LARGE1: variants seen among roughly 807,000 people sequenced by gnomAD.
The protein encoded by LARGE1 is xylosyl- and glucuronyltransferase LARGE1.
A neutral mutation model predicts 87.6 loss-of-function variants in LARGE1; 43 were observed. That is an observed-to-expected ratio of 0.49 (90% CI 0.38 to 0.63). The LOEUF is 0.63. Among genes scored for constraint, LARGE1 ranks in the 30% least tolerant of loss-of-function variants. The pLI is 0.00. For synonymous variants in LARGE1, 434 were observed against 394.6 expected (o/e 1.10, Z -1.18); for missense variants, 802 against 1,000.2 (o/e 0.80, Z 2.67).
At chr22:33,537,181 C>T (rs2077067126) in intron 6 of LARGE1, among the ~76,000 whole-genome samples, 2 of 152,226 alleles carry the variant, frequency 1.3e-5, no homozygotes, top group African/African-American at 4.8e-5. Context: ...AATGACGTGG[C>T]TTGAAATCAC....
intron 2 of LARGE1, among the ~76,000 whole-genome samples, chr22:33,701,996 T>C (rs976141405): frequency 1.3e-5 from 2 of 152,122 alleles, no homozygotes; most frequent in South Asian, 2.1e-4. Flanking sequence ...TGAGTGTTCC[T>C]CTCCTCTGTC....
At chr22:33,874,797 G>A (rs1015608112) in intron 1 of LARGE1, among the ~76,000 whole-genome samples, 1 of 152,182 alleles carries the variant, frequency 6.6e-6, no homozygotes, top group Non-Finnish European at 1.5e-5. Context: ...TAGAAAAGTA[G>A]TCAGAGGACT....
chr22:33,478,333 G>A (rs1193022013), intron 6 of LARGE1, among the ~76,000 whole-genome samples: 1 of 152,216 alleles, frequency 6.6e-6, no homozygotes, highest in Non-Finnish European at 1.5e-5. Flanking sequence ...AGGAGCTCCA[G>A]GCTTAAACCA....
At chr22:33,276,132 C>T (rs966063109) in intron 14 of LARGE1, among the ~76,000 whole-genome samples, 1 of 151,332 alleles carries the variant, frequency 6.6e-6, no homozygotes, top group Admixed American at 6.6e-5. Context: ...TTAGCTTTTT[C>T]TGAATTGGAG....
At chr22:33,761,682 T>C in intron 1 of LARGE1, 124 bp from the exon 2 acceptor site, 1 of 605,112 alleles carries the variant, frequency 1.7e-6, no homozygotes, top group Non-Finnish European at 3.0e-6. Context: ...CTGCTAACCT[T>C]TCATCCCAAG....
intron 9 of LARGE1, among the ~76,000 whole-genome samples, chr22:33,365,672 T>C (rs1453010026): frequency 1.3e-5 from 2 of 151,498 alleles, no homozygotes; most frequent in Admixed American, 6.6e-5. Flanking sequence ...TGGAGTGCAG[T>C]GGCACAATCT....
At chr22:33,505,246 G>A (rs1186800860) in intron 6 of LARGE1, among the ~76,000 whole-genome samples, 1 of 152,252 alleles carries the variant, frequency 6.6e-6, no homozygotes, top group Non-Finnish European at 1.5e-5. Flanking sequence ...GAATAGAGCG[G>A]CCTGCTAGAG....
At chr22:33,305,113 T>C (rs1394497255) in intron 11 of LARGE1, among the ~76,000 whole-genome samples, 1 of 151,992 alleles carries the variant, frequency 6.6e-6, no homozygotes, top group Non-Finnish European at 1.5e-5. Flanking sequence ...CTCTTACACT[T>C]AGAGGCCAGA....
In LARGE1 at chr22:33,874,786, A is replaced by G. The variant is rs751005053; in HGVS notation, c.-83+45209T>C. 3.6e-4 allele frequency among the ~76,000 whole-genome samples: 55 copies of G among 152,328 alleles called. 1 individual carries two copies. Among genetic ancestry groups the G allele is most frequent in the Middle Eastern group, 6.8e-3 (2 of 294 alleles). On this transcript the variant is annotated intron_variant, in intron 1 of 14. Coordinates refer to ENST00000397394, the MANE Select transcript of LARGE1 (RefSeq NM_133642.5). Reference sequence around the variant, plus strand: ...AACATGGAATAATAAAGTTCCCACCATAGAAAAGTAGTCAGAGGACTGTAA... The same window carrying G: ...AACATGGAATAATAAAGTTCCCACCGTAGAAAAGTAGTCAGAGGACTGTAA...
intron 12 of LARGE1, among the ~76,000 whole-genome samples, chr22:33,287,886 T>G (rs1931834656): frequency 6.6e-6 from 1 of 152,216 alleles, no homozygotes; most frequent in East Asian, 1.9e-4. Flanking sequence ...GACAGTCAGG[T>G]GTAGTGGTCA....
chr22:33,090,482 A>G, the LARGE1 span, among the ~76,000 whole-genome samples: 1 of 152,150 alleles, frequency 6.6e-6, no homozygotes, highest in African/African-American at 2.4e-5. Context: ...CAAGATAACC[A>G]TAGGGTTATT....
intron 12 of LARGE1, among the ~76,000 whole-genome samples, chr22:33,302,113 T>C (rs953604319): frequency 6.6e-6 from 1 of 152,170 alleles, no homozygotes; most frequent in Non-Finnish European, 1.5e-5. Flanking sequence ...CCATCATCTA[T>C]CTGTTCCCTT....
chr22:33,486,401 T>G (rs767786851), intron 6 of LARGE1, among the ~76,000 whole-genome samples: 16 of 152,186 alleles, frequency 1.1e-4, no homozygotes, highest in Non-Finnish European at 2.1e-4. Flanking sequence ...GCTTTTGCTT[T>G]CTCATTAAGT....
chr22:33,676,968 T>C (rs2081601108), intron 2 of LARGE1, among the ~76,000 whole-genome samples: 1 of 152,184 alleles, frequency 6.6e-6, no homozygotes, highest in Non-Finnish European at 1.5e-5. Context: ...AATTAAAATG[T>C]TTCCAAAAGT....
At chr22:33,895,829 A>G (rs1252040944) in intron 1 of LARGE1, among the ~76,000 whole-genome samples, 1 of 152,198 alleles carries the variant, frequency 6.6e-6, no homozygotes, top group Non-Finnish European at 1.5e-5. Flanking sequence ...TGCACACCCC[A>G]AGTGAAAGGG....
At chr22:33,290,637 C>A (rs1471203426) in intron 12 of LARGE1, among the ~76,000 whole-genome samples, 2 of 152,142 alleles carry the variant, frequency 1.3e-5, no homozygotes, top group African/African-American at 4.8e-5. Flanking sequence ...GAGCTGGGGG[C>A]TGGCAGCTGG....
chr22:33,087,476 G>A, the LARGE1 span, among the ~76,000 whole-genome samples: 4 of 152,168 alleles, frequency 2.6e-5, no homozygotes, highest in Non-Finnish European at 5.9e-5. Flanking sequence ...ATGCATAATA[G>A]TGGAAGCAAC....
chr22:33,181,251 C>T (rs891167094), intron 11 of LARGE1, among the ~76,000 whole-genome samples: 1 of 151,922 alleles, frequency 6.6e-6, no homozygotes, highest in African/African-American at 2.4e-5. Flanking sequence ...AAGAAGAGGT[C>T]CAATCCAGCA....
rs1361308052 is a variant in LARGE1 at position 33,381,957 on chromosome 22, G to A, written c.1093C>T (p.Arg365Cys). ...FWNVQLSDHTRSEQCYRDVSD... is the reference protein window; with the variant it reads ...FWNVQLSDHTCSEQCYRDVSD... ...ACGTCTCTGTAGCACTGCTCGGAGC[G>A]GGTGTGGTCTGACAGCTGCACATTC... The change falls in exon 9 of 15, where the codon CGC becomes TGC. Residue 365 changes from arginine to cysteine, a missense_variant. Physicochemically the swap from Arg to Cys is radical, Grantham distance 180 (BLOSUM62 -3). Around this residue, in one of 2 missense-constraint regions of LARGE1, gnomAD observed 625 missense variants for 841.9 expected, o/e 0.74. Transcript: ENST00000397394. 3 of 1,614,006 alleles carry A rather than the reference G, an allele frequency of 1.9e-6. No homozygotes were observed. The highest frequency in any genetic ancestry group is 1.7e-5 in the Admixed American group (1 of 59,984).
Sources: allele counts gnomAD v4.1 joint callset (sites outside exome capture counted in the v4.1 genomes callset), GRCh38; gene constraint gnomAD v4.1.1; regional missense constraint gnomAD v4.1.1; transcripts MANE v1.5; gene names NCBI Gene and HGNC (gene_info 2026-07-23, HGNC 2026-07-21).